CNTN5: variants seen among roughly 807,000 people sequenced by gnomAD.
CNTN5 encodes contactin-5.
CNTN5 carries 77 observed loss-of-function variants against 129.1 expected under a neutral mutation model. The ratio of observed to expected loss-of-function variants is 0.60; its 90% CI spans 0.50 to 0.72. CNTN5 has a LOEUF of 0.72. Among genes scored for constraint, CNTN5 ranks in the 30% least tolerant of loss-of-function variants. CNTN5 has a pLI of 0.00. For missense variants in CNTN5, 1,478 were observed against 1,328.8 expected, an observed-to-expected ratio of 1.11 and a Z score of -1.75; for synonymous variants, 509 against 465.6, an observed-to-expected ratio of 1.09 and a Z score of -1.20.
At chr11:99,178,314 CCACA>C (rs71046672) in intron 1 of CNTN5, among the ~76,000 whole-genome samples, 24,224 of 125,170 alleles carry the variant, frequency 0.19, 2,240 homozygotes, top group Middle Eastern at 0.28. Context: ...GACCTCATCT[CCACA>C]CACACACACA....
intron 1 of CNTN5, among the ~76,000 whole-genome samples, chr11:99,215,583 G>A (rs72998270): frequency 0.093 from 14,207 of 152,088 alleles, 852 homozygotes; most frequent in Non-Finnish European, 0.14. Flanking sequence ...AATTTTGTTT[G>A]GGAATTCAGT....
chr11:100,038,884 C>T (rs1004696687), intron 9 of CNTN5, among the ~76,000 whole-genome samples: 2 of 152,236 alleles, frequency 1.3e-5, no homozygotes, highest in African/African-American at 4.8e-5. Context: ...GGTGGGTTTC[C>T]TGAATACAGC....
chr11:99,957,121 C>A (rs1401466676), intron 8 of CNTN5, 112 bp downstream of exon 8: 15 of 938,652 alleles, frequency 1.6e-5, no homozygotes, highest in Non-Finnish European at 2.4e-5. Flanking sequence ...AATAAAAAGG[C>A]ATTTGCCATA....
intron 1 of CNTN5, among the ~76,000 whole-genome samples, chr11:99,021,485 CAA>C (rs747834658): frequency 6.6e-6 from 1 of 152,118 alleles, no homozygotes; most frequent in East Asian, 1.9e-4. Context: ...AAAGTTGAAA[CAA>C]GAGTAAATAT....
chr11:99,921,467 G>A (rs1049912064), intron 7 of CNTN5, among the ~76,000 whole-genome samples: 4 of 152,078 alleles, frequency 2.6e-5, no homozygotes, highest in African/African-American at 9.7e-5. Context: ...TATCACCTTA[G>A]TAAAACCTTT....
chr11:99,824,848 T>C (rs957459055), intron 4 of CNTN5, among the ~76,000 whole-genome samples: 2 of 152,066 alleles, frequency 1.3e-5, no homozygotes, highest in African/African-American at 4.8e-5. Context: ...CACTCACTTA[T>C]ATATGTTAAA....
chr11:100,112,301 T>G (rs1236109486), intron 13 of CNTN5, among the ~76,000 whole-genome samples: 2 of 152,242 alleles, frequency 1.3e-5, no homozygotes, highest in Non-Finnish European at 2.9e-5. Flanking sequence ...TGTTGAGGAA[T>G]AAGGGGCAAA....
chr11:99,178,381 T>G (rs1857886709), intron 1 of CNTN5, among the ~76,000 whole-genome samples: 1 of 148,976 alleles, frequency 6.7e-6, no homozygotes. Flanking sequence ...ATTAGCCAGG[T>G]GTGGGGCTGT....
chr11:100,114,015 G>T (rs9971437), intron 13 of CNTN5, among the ~76,000 whole-genome samples: 121,009 of 151,962 alleles, frequency 0.8, 49,002 homozygotes, highest in East Asian at 1. Context: ...AATGTATATG[G>T]TCTTGATTTG....
intron 2 of CNTN5, among the ~76,000 whole-genome samples, chr11:99,436,659 A>G (rs1943611359): frequency 6.6e-6 from 1 of 152,210 alleles, no homozygotes. Context: ...TACTTCTGAC[A>G]ATATGCCCCT....
intron 3 of CNTN5, among the ~76,000 whole-genome samples, chr11:99,765,318 T>C (rs576418825): frequency 6.6e-6 from 1 of 151,874 alleles, no homozygotes; most frequent in East Asian, 1.9e-4. Flanking sequence ...TATATATATA[T>C]ACATATATAC....
At chr11:100,115,513 C>T (rs889817609) in intron 13 of CNTN5, among the ~76,000 whole-genome samples, 1 of 151,940 alleles carries the variant, frequency 6.6e-6, no homozygotes, top group Admixed American at 6.6e-5. Flanking sequence ...CATGTTGTTT[C>T]CTGGAGTGTT....
chr11:99,239,769 A>T (rs1278883855), intron 1 of CNTN5, among the ~76,000 whole-genome samples: 2 of 152,206 alleles, frequency 1.3e-5, no homozygotes, highest in East Asian at 3.9e-4. Context: ...CCCCGTCTCT[A>T]CTAAAAATAC....
chr11:99,689,811 G>T (rs1256315696), intron 3 of CNTN5, among the ~76,000 whole-genome samples: 1 of 151,894 alleles, frequency 6.6e-6, no homozygotes, highest in Non-Finnish European at 1.5e-5. Flanking sequence ...TAAGTTCCTT[G>T]TAAAGTCTGG....
intron 10 of CNTN5, among the ~76,000 whole-genome samples, chr11:100,061,900 GC>G (rs1215469237): frequency 1.3e-5 from 2 of 152,122 alleles, no homozygotes; most frequent in Non-Finnish European, 2.9e-5. Flanking sequence ...TGAAATATTT[GC>G]TTTTGAGCAT....
chr11:100,264,024 T>A (rs577474142), intron 17 of CNTN5, among the ~76,000 whole-genome samples: 2 of 152,228 alleles, frequency 1.3e-5, no homozygotes, highest in South Asian at 4.1e-4. Flanking sequence ...CACCTATGGT[T>A]TTCTTTCTCA....
At chr11:100,174,743 G>A (rs1477090226) in intron 13 of CNTN5, among the ~76,000 whole-genome samples, 2 of 152,104 alleles carry the variant, frequency 1.3e-5, no homozygotes, top group Non-Finnish European at 2.9e-5. Context: ...TTAGAGCCTG[G>A]AGGTTCTGAA....
At chr11:99,128,366 G>T (rs1287079732) in intron 1 of CNTN5, among the ~76,000 whole-genome samples, 2 of 152,228 alleles carry the variant, frequency 1.3e-5, no homozygotes, top group Admixed American at 1.3e-4. Context: ...CACAGCAGCT[G>T]TGGCAGATCA....
chr11:99,393,639 T>G (rs560836939), intron 2 of CNTN5, among the ~76,000 whole-genome samples: 1 of 151,894 alleles, frequency 6.6e-6, no homozygotes, highest in South Asian at 2.1e-4. Flanking sequence ...TTTCTGTCAC[T>G]TACCATTCAT....
Sources: allele counts gnomAD v4.1 joint callset (sites outside exome capture counted in the v4.1 genomes callset), GRCh38; gene constraint gnomAD v4.1.1; transcripts MANE v1.5; gene names NCBI Gene and HGNC (gene_info 2026-07-23, HGNC 2026-07-21).